The following ARL14EPL variants were observed in gnomAD, a reference collection of about 807,000 sequenced individuals.
The protein encoded by ARL14EPL is ARF like GTPase 14 effector protein like.
In ARL14EPL, 17 loss-of-function variants were observed where a neutral mutation model predicts 15.9. That is an observed-to-expected ratio of 1.07 (90% CI 0.73 to 1.60). The LOEUF (loss-of-function observed/expected upper bound fraction) is 1.60, where lower values mean the gene tolerates loss of function less well. Ranked by LOEUF, ARL14EPL falls within the 40% of genes most tolerant of loss-of-function variation. The pLI is 0.00. For missense variants in ARL14EPL, 214 were observed against 185.9 expected (o/e 1.15, Z -0.88); for synonymous variants, 78 against 63.8 (o/e 1.22, Z -1.06).
rs1265191899 is a variant in ARL14EPL, at chr5:116,050,770, T to C, written c.-9-687T>C. ...ACTGTCACTCATGATTACCATATTG[T>C]ATGGGCTCCATCTCTCTCTCTCTCT... On this transcript the variant is annotated intron_variant, in intron 1 of 3. Coordinates refer to ENST00000686077, the MANE Select transcript of ARL14EPL (RefSeq NM_001195581.2). Among the ~76,000 whole-genome samples the C allele has an allele frequency of 3.5e-5, 5 of 144,656 alleles. 1 individual carries two copies. The South Asian group carries it at 9.1e-4, about 26-fold the overall frequency. 94.9% of individuals were successfully genotyped at this position (144,656 alleles called of 152,430 possible). A position where few individuals can be genotyped will look rare whatever the true frequency, so the allele number is the denominator to read the frequency against.
chr5:116,046,274 C>A (rs930136585), intron 1 of ARL14EPL, among the ~76,000 whole-genome samples: 1 of 152,050 alleles, frequency 6.6e-6, no homozygotes, highest in Non-Finnish European at 1.5e-5. Flanking sequence ...GAACAGAGAC[C>A]AACTTTTAGG....
intron 1 of ARL14EPL, among the ~76,000 whole-genome samples, chr5:116,042,771 A>G (rs1749187143): frequency 6.6e-6 from 1 of 152,204 alleles, no homozygotes; most frequent in Non-Finnish European, 1.5e-5. Flanking sequence ...TATTTCATAA[A>G]CCAGACCCTA....
chr5:116,054,436 A>G (rs757672384), intron 3 of ARL14EPL, among the ~76,000 whole-genome samples: 2 of 152,234 alleles, frequency 1.3e-5, no homozygotes, highest in Non-Finnish European at 2.9e-5. Context: ...AAAATGTATC[A>G]TTAGAAGGAT....
At chr5:116,056,028 G>T (rs190685383) in intron 3 of ARL14EPL, among the ~76,000 whole-genome samples, 2,968 of 152,158 alleles carry the variant, frequency 0.02, 35 homozygotes, top group Non-Finnish European at 0.027. Flanking sequence ...GTGCCACATT[G>T]TCTTAATCCA....
At chr5:116,043,133 C>A (rs1411260319) in intron 1 of ARL14EPL, among the ~76,000 whole-genome samples, 1 of 151,258 alleles carries the variant, frequency 6.6e-6, no homozygotes, top group Admixed American at 6.6e-5. Context: ...GAGTATACTC[C>A]AAATTAATAT....
intron 1 of ARL14EPL, among the ~76,000 whole-genome samples, chr5:116,047,792 T>C (rs1232838818): frequency 6.8e-6 from 1 of 147,464 alleles, no homozygotes; most frequent in Non-Finnish European, 1.5e-5. Flanking sequence ...GAGGAAAAGT[T>C]AGAGTAATAT....
intron 1 of ARL14EPL, among the ~76,000 whole-genome samples, chr5:116,040,814 CAAAAAAA>C (rs58840428): frequency 1.7e-4 from 18 of 106,518 alleles, no homozygotes; most frequent in Middle Eastern, 5.4e-3. Flanking sequence ...ACTAAAAATA[CAAAAAAA>C]AAAAAAAAAA....
In ARL14EPL at chr5:116,042,086, C is replaced by T. The variant is rs1371823547; in HGVS notation, c.-9-9371C>T. ...GTGCAGGCAATCCTCCCACCTTGGC[C>T]TCCCAATGTGCTGTGATTACAGGTG... On this transcript the variant is annotated intron_variant, in intron 1 of 3. Transcript: ENST00000686077. Among the ~76,000 whole-genome samples the T allele has an allele frequency of 2.6e-5, 4 of 152,242 alleles. No homozygotes were observed. In the South Asian group the frequency reaches 6.2e-4, roughly 24 times the overall value.
chr5:116,049,881 C>A (rs893626614), intron 1 of ARL14EPL, among the ~76,000 whole-genome samples: 1 of 151,810 alleles, frequency 6.6e-6, no homozygotes, highest in African/African-American at 2.4e-5. Flanking sequence ...CTTAACGCAC[C>A]CAAAAAAATA....
Position 116,056,036 on chromosome 5 carries a change from C to A in ARL14EPL, c.236+1883C>A, listed in dbSNP as rs369792670. The stretch of plus-strand genomic sequence containing the variant: ...TGTATATGTGCCACATTGTCTTAAT[C>A]CAGTCTATCATTGTTGGACATTTCG... On this transcript the variant is annotated intron_variant, in intron 3 of 3. Transcript: ENST00000686077. Among the ~76,000 whole-genome samples, 5 of 152,256 alleles carry A rather than the reference C, an allele frequency of 3.3e-5. No homozygotes were observed. In the South Asian group the frequency reaches 1.0e-3, roughly 32 times the overall value.
intron 1 of ARL14EPL, among the ~76,000 whole-genome samples, chr5:116,045,889 G>C (rs948537926): frequency 6.6e-6 from 1 of 151,918 alleles, no homozygotes; most frequent in East Asian, 1.9e-4. Context: ...ACTCTCAAAG[G>C]CTTAAATCAA....
intron 1 of ARL14EPL, among the ~76,000 whole-genome samples, chr5:116,036,810 C>A (rs1355294487): frequency 6.6e-6 from 1 of 152,042 alleles, no homozygotes; most frequent in Admixed American, 6.6e-5. Flanking sequence ...GTTTAAAATA[C>A]CAGAAATTTA....
chr5:116,055,522 C>T (rs1172077447), intron 3 of ARL14EPL, among the ~76,000 whole-genome samples: 1 of 152,088 alleles, frequency 6.6e-6, no homozygotes, highest in Non-Finnish European at 1.5e-5. Flanking sequence ...GGAAGAATCT[C>T]AACTCATGAT....
rs1749586968 is a variant in ARL14EPL at position 116,058,965 on chromosome 5, C to G, written c.*18C>G. 6.5e-7 allele frequency: 1 copy of G among 1,527,902 alleles called. No individual in the cohort carries two copies. The highest frequency in any genetic ancestry group is 1.4e-5 in the African/African-American group (1 of 72,862). 94.6% of individuals were successfully genotyped at this position (1,527,902 alleles called of 1,614,324 possible). ...CTGACTAGGTGCTCTTGTATATGGA[C>G]TGATTTGTTTCTTCTTCTTACACAT... On this transcript the variant is annotated 3_prime_UTR_variant, in exon 4 of 4. Coordinates refer to ENST00000686077, the MANE Select transcript of ARL14EPL (RefSeq NM_001195581.2).
At chr5:116,034,679 G>A (rs1749016008) in intron 1 of ARL14EPL, among the ~76,000 whole-genome samples, 1 of 121,834 alleles carries the variant, frequency 8.2e-6, no homozygotes, top group Admixed American at 8.5e-5. Context: ...TGTCTTCTGT[G>A]GGTGATATAC....
chr5:116,048,960 A>C (rs1442938768), intron 1 of ARL14EPL, among the ~76,000 whole-genome samples: 2 of 152,238 alleles, frequency 1.3e-5, no homozygotes, highest in African/African-American at 4.8e-5. Context: ...ATTTATGATC[A>C]GGTTATGTAC....
intron 1 of ARL14EPL, among the ~76,000 whole-genome samples, chr5:116,039,248 C>A (rs1203998387): frequency 6.6e-6 from 1 of 152,158 alleles, no homozygotes; most frequent in Non-Finnish European, 1.5e-5. Context: ...ACTCCTGACC[C>A]CAGGCCCTCC....
intron 1 of ARL14EPL, among the ~76,000 whole-genome samples, chr5:116,045,384 C>T (rs113127117): frequency 2.0e-5 from 3 of 152,320 alleles, no homozygotes; most frequent in African/African-American, 4.8e-5. Context: ...ATTCTGGTCT[C>T]ATAAAAGTTT....
chr5:116,035,896 A>C (rs1470800348), intron 1 of ARL14EPL, among the ~76,000 whole-genome samples: 1 of 152,234 alleles, frequency 6.6e-6, no homozygotes, highest in African/African-American at 2.4e-5. Flanking sequence ...CCACTGCCGG[A>C]AGGAAAAACC....
Sources: gnomAD v4.1 joint callset for allele counts (sites outside exome capture counted in the v4.1 genomes callset) on GRCh38, gnomAD v4.1.1 for gene constraint, MANE v1.5 for transcripts, NCBI Gene and HGNC (gene_info 2026-07-23, HGNC 2026-07-21) for gene names.